The following SGCZ variants were observed in gnomAD, a reference collection of about 807,000 sequenced individuals.
SGCZ encodes zeta-sarcoglycan.
Under a neutral mutation model 41.3 loss-of-function variants are expected in SGCZ, and 40 were observed. The ratio of observed to expected loss-of-function variants is 0.97; its 90% confidence interval spans 0.75 to 1.26. SGCZ has a LOEUF of 1.26. SGCZ is among the 50% of genes most tolerant of loss of function. The probability of loss-of-function intolerance (pLI) is 0.00; values close to 1 mark genes in which losing one functional copy is unlikely to be tolerated. For missense variants in SGCZ, 552 were observed against 369.8 expected, an observed-to-expected ratio of 1.49 and a Z score of -4.04; for synonymous variants, 206 against 137.5, an observed-to-expected ratio of 1.50 and a Z score of -3.49.
rs997713007 is a variant in SGCZ at position 15,231,062 on chromosome 8, G to C, written c.39+6523C>G. 2.6e-5 allele frequency among the ~76,000 whole-genome samples: 4 copies of C among 152,150 alleles called. No individual in the cohort carries two copies. In the East Asian group the frequency reaches 5.8e-4, roughly 22 times the overall value. On this transcript the variant is annotated intron_variant, in intron 1 of 7. Coordinates refer to ENST00000382080, the MANE Select transcript of SGCZ (RefSeq NM_139167.4). ...TTTCCTCAAACACTACAATCTGTTA[G>C]ATTTACAGTGTGAGCTTTAGTACTT...
At chr8:14,111,312 C>G (rs903641242) in intron 5 of SGCZ, among the ~76,000 whole-genome samples, 6 of 152,118 alleles carry the variant, frequency 3.9e-5, no homozygotes, top group African/African-American at 9.7e-5. Context: ...ACATCATATA[C>G]TTGATCTGGA....
At chr8:14,701,949 T>G (rs1809151659) in intron 1 of SGCZ, among the ~76,000 whole-genome samples, 1 of 151,928 alleles carries the variant, frequency 6.6e-6, no homozygotes, top group Admixed American at 6.6e-5. Context: ...CATCCACATT[T>G]GCCCCCAGCT....
intron 5 of SGCZ, among the ~76,000 whole-genome samples, chr8:14,152,801 T>G (rs1803751737): frequency 6.6e-6 from 1 of 152,074 alleles, no homozygotes; most frequent in African/African-American, 2.4e-5. Flanking sequence ...GATGAATAAT[T>G]AAATAAACTG....
chr8:14,504,289 A>C (rs1802240457), intron 2 of SGCZ, among the ~76,000 whole-genome samples: 1 of 152,196 alleles, frequency 6.6e-6, no homozygotes, highest in African/African-American at 2.4e-5. Flanking sequence ...AAATGACTTC[A>C]CAAATATCTT....
At chr8:14,906,921 T>C (rs1236118384) in intron 1 of SGCZ, among the ~76,000 whole-genome samples, 1 of 152,182 alleles carries the variant, frequency 6.6e-6, no homozygotes, top group Non-Finnish European at 1.5e-5. Context: ...TCAAAGTATT[T>C]TCAAATACAT....
intron 3 of SGCZ, among the ~76,000 whole-genome samples, chr8:14,303,365 A>G (rs181101131): frequency 6.6e-6 from 1 of 152,230 alleles, no homozygotes; most frequent in East Asian, 1.9e-4. Flanking sequence ...CTTTTCACCA[A>G]TCCCACAAAA....
intron 1 of SGCZ, among the ~76,000 whole-genome samples, chr8:14,679,887 T>A (rs982267968): frequency 6.6e-6 from 1 of 152,060 alleles, no homozygotes; most frequent in Non-Finnish European, 1.5e-5. Context: ...ATATATTTTT[T>A]ATTTTTTTAA....
chr8:14,198,205 G>C (rs578249311), intron 4 of SGCZ, among the ~76,000 whole-genome samples: 1 of 152,134 alleles, frequency 6.6e-6, no homozygotes. Flanking sequence ...TCAGTCAGCC[G>C]TTTGTCTAGC....
chr8:14,899,553 G>A (rs1174743787), intron 1 of SGCZ, among the ~76,000 whole-genome samples: 1 of 152,138 alleles, frequency 6.6e-6, no homozygotes, highest in South Asian at 2.1e-4. Flanking sequence ...GCTGGAAAAG[G>A]AATGCCCTTC....
chr8:15,065,569 T>C (rs1805105992), intron 1 of SGCZ, among the ~76,000 whole-genome samples: 2 of 151,912 alleles, frequency 1.3e-5, no homozygotes, highest in South Asian at 4.2e-4. Flanking sequence ...CTCAGCCTCT[T>C]GAGTAGATGG....
intron 5 of SGCZ, among the ~76,000 whole-genome samples, chr8:14,118,153 C>G (rs563987045): frequency 6.6e-6 from 1 of 152,044 alleles, no homozygotes; most frequent in South Asian, 2.1e-4. Flanking sequence ...CTTGAGGAAT[C>G]GCCACATTGT....
chr8:14,831,982 T>G (rs552786311), intron 1 of SGCZ, among the ~76,000 whole-genome samples: 1 of 152,220 alleles, frequency 6.6e-6, no homozygotes, highest in South Asian at 2.1e-4. Context: ...CTGTGTTATG[T>G]TTTATTGAGG....
In SGCZ at chr8:14,182,183, A is replaced by G. The variant is rs550857720; in HGVS notation, c.425-17481T>C. 3.3e-5 allele frequency among the ~76,000 whole-genome samples: 5 copies of G among 152,252 alleles called. No individual in the cohort carries two copies. The South Asian group carries it at 1.0e-3, about 32-fold the overall frequency. ...ACAAAATTGGGGGAAAGAATGCAAA[A>G]TCTAGAGAACAGTATGGATTGTAGT... On this transcript the variant is annotated intron_variant, in intron 4 of 7. Coordinates refer to ENST00000382080, the MANE Select transcript of SGCZ (RefSeq NM_139167.4).
At chr8:15,150,719 C>G (rs1446957570) in intron 1 of SGCZ, among the ~76,000 whole-genome samples, 1 of 152,182 alleles carries the variant, frequency 6.6e-6, no homozygotes, top group East Asian at 1.9e-4. Flanking sequence ...TTCCTAAATT[C>G]TCTCACCAGG....
intron 1 of SGCZ, among the ~76,000 whole-genome samples, chr8:14,954,796 A>G (rs1800744469): frequency 6.6e-6 from 1 of 152,162 alleles, no homozygotes; most frequent in South Asian, 2.1e-4. Flanking sequence ...TGCGAGATAC[A>G]CTGAAGCAAA....
At chr8:14,963,338 C>CT (rs34842580) in intron 1 of SGCZ, among the ~76,000 whole-genome samples, 13,656 of 145,584 alleles carry the variant, frequency 0.094, 1,069 homozygotes, top group African/African-American at 0.21. Context: ...TCTTTTTCTT[C>CT]TTTTTTTTTT....
At chr8:14,792,695 G>A (rs969344521) in intron 1 of SGCZ, among the ~76,000 whole-genome samples, 7 of 152,004 alleles carry the variant, frequency 4.6e-5, no homozygotes, top group Admixed American at 2.6e-4. Flanking sequence ...TTAGGTATAT[G>A]TCCTAATGCA....
intron 2 of SGCZ, among the ~76,000 whole-genome samples, chr8:14,344,163 C>T (rs114549350): frequency 0.012 from 1,824 of 151,886 alleles, 33 homozygotes; most frequent in African/African-American, 0.041. Context: ...TTCACAAATG[C>T]GTGGATAGAA....
At chr8:14,371,681 G>T (rs983923104) in intron 2 of SGCZ, among the ~76,000 whole-genome samples, 1 of 152,056 alleles carries the variant, frequency 6.6e-6, no homozygotes. Context: ...CAGTTAACCA[G>T]CCAGTCATTT....
Sources: allele counts gnomAD v4.1 joint callset (sites outside exome capture counted in the v4.1 genomes callset), GRCh38; gene constraint gnomAD v4.1.1; transcripts MANE v1.5; gene names NCBI Gene and HGNC (gene_info 2026-07-23, HGNC 2026-07-21).